The following ERBB4 variants were observed in gnomAD, a reference collection of about 807,000 sequenced individuals.
ERBB4 encodes the protein erb-b2 receptor tyrosine kinase 4, also known as receptor tyrosine-protein kinase erbB-4.
Under a neutral mutation model 158.0 loss-of-function variants are expected in ERBB4, and 42 were observed. That is an observed-to-expected ratio of 0.27 (90% CI 0.21 to 0.34). The LOEUF (loss-of-function observed/expected upper bound fraction) is 0.34, where lower values mean the gene tolerates loss of function less well. ERBB4 is among the 10% of genes least tolerant of loss of function. ERBB4 has a pLI of 1.00. For synonymous variants in ERBB4, 583 were observed against 558.7 expected, an observed-to-expected ratio of 1.04 and a Z score of -0.61; for missense variants, 1,333 against 1,624.1, an observed-to-expected ratio of 0.82 and a Z score of 3.08.
At chr2:211,826,544 C>A (rs1247087496) in intron 3 of ERBB4, among the ~76,000 whole-genome samples, 2 of 151,830 alleles carry the variant, frequency 1.3e-5, no homozygotes, top group Non-Finnish European at 2.9e-5. Flanking sequence ...AAAATAACAT[C>A]TCACAAGGGA....
intron 20 of ERBB4, among the ~76,000 whole-genome samples, chr2:211,510,781 T>C (rs1337818645): frequency 6.6e-6 from 1 of 152,084 alleles, no homozygotes; most frequent in Non-Finnish European, 1.5e-5. Context: ...CCATTTTTTT[T>C]CTCAGAAATT....
intron 3 of ERBB4, among the ~76,000 whole-genome samples, chr2:211,911,263 T>C (rs976572832): frequency 2.0e-5 from 3 of 152,138 alleles, no homozygotes; most frequent in Non-Finnish European, 4.4e-5. Flanking sequence ...TTCTGCTACT[T>C]TTCATAACTT....
intron 1 of ERBB4, among the ~76,000 whole-genome samples, chr2:212,270,239 G>T (rs1391347606): frequency 5.9e-5 from 9 of 151,696 alleles, no homozygotes; most frequent in Non-Finnish European, 1.3e-4. Context: ...AATAGATTAT[G>T]ACATTAGAGG....
intron 1 of ERBB4, among the ~76,000 whole-genome samples, chr2:212,364,095 T>C (rs1483915973): frequency 1.3e-5 from 2 of 151,754 alleles, no homozygotes; most frequent in Admixed American, 6.6e-5. Flanking sequence ...ATATTTCATA[T>C]CTCAATTCTG....
At chr2:211,879,224 G>C (rs1034148747) in intron 3 of ERBB4, among the ~76,000 whole-genome samples, 4 of 151,968 alleles carry the variant, frequency 2.6e-5, no homozygotes, top group Admixed American at 1.3e-4. Flanking sequence ...AAACAGGTTA[G>C]TGAAAACCTG....
intron 26 of ERBB4, among the ~76,000 whole-genome samples, chr2:211,387,704 A>T (rs1016871462): frequency 6.6e-6 from 1 of 152,202 alleles, no homozygotes; most frequent in Non-Finnish European, 1.5e-5. Context: ...AGCATAATTT[A>T]TGTGCCCAGG....
chr2:212,129,628 C>T (rs1019054789), intron 1 of ERBB4, among the ~76,000 whole-genome samples: 4 of 151,642 alleles, frequency 2.6e-5, no homozygotes, highest in Non-Finnish European at 4.4e-5. Flanking sequence ...GAAAATGGCC[C>T]TCAACTAAAA....
chr2:211,580,846 A>T (rs1378961719), intron 19 of ERBB4, among the ~76,000 whole-genome samples: 43 of 38,122 alleles, frequency 1.1e-3, no homozygotes, highest in Admixed American at 1.6e-3. Flanking sequence ...ATTATATATT[A>T]TATATATAGT....
At chr2:212,234,013 C>G (rs1257236705) in intron 1 of ERBB4, among the ~76,000 whole-genome samples, 1 of 149,036 alleles carries the variant, frequency 6.7e-6, no homozygotes, top group East Asian at 2.0e-4. Flanking sequence ...TGCTTTAAGT[C>G]TTGGGATACA....
At chr2:212,247,096 C>T in intron 1 of ERBB4, among the ~76,000 whole-genome samples, 1 of 151,794 alleles carries the variant, frequency 6.6e-6, no homozygotes, top group East Asian at 1.9e-4. Context: ...AATTATTTAC[C>T]AAGAGAAGGC....
At chr2:212,162,626 T>C (rs1193923958) in intron 1 of ERBB4, among the ~76,000 whole-genome samples, 1 of 151,974 alleles carries the variant, frequency 6.6e-6, no homozygotes, top group Non-Finnish European at 1.5e-5. Flanking sequence ...TGCAAGCTAA[T>C]GTATTTCTAC....
At chr2:211,491,014 C>T (rs996447150) in intron 20 of ERBB4, among the ~76,000 whole-genome samples, 1 of 151,976 alleles carries the variant, frequency 6.6e-6, no homozygotes, top group Admixed American at 6.6e-5. Context: ...AGAGACCCTG[C>T]TAGGATCCTA....
intron 19 of ERBB4, among the ~76,000 whole-genome samples, chr2:211,593,876 G>A (rs73077001): frequency 0.069 from 10,484 of 152,096 alleles, 1,124 homozygotes; most frequent in African/African-American, 0.23. Context: ...CCTTCCCAGA[G>A]GGACCCTAAT....
At chr2:211,488,131 A>G (rs1159897805) in intron 20 of ERBB4, among the ~76,000 whole-genome samples, 1 of 152,024 alleles carries the variant, frequency 6.6e-6, no homozygotes, top group Non-Finnish European at 1.5e-5. Flanking sequence ...AGTTCAAAGG[A>G]ATGAGCTATG....
intron 1 of ERBB4, among the ~76,000 whole-genome samples, chr2:212,514,789 C>A (rs1691731331): frequency 6.6e-6 from 1 of 152,058 alleles, no homozygotes; most frequent in African/African-American, 2.4e-5. Context: ...TGGTGACAGA[C>A]CAAGACTCCA....
chr2:211,727,171 G>C (rs1382249060), intron 5 of ERBB4, among the ~76,000 whole-genome samples: 1 of 152,062 alleles, frequency 6.6e-6, no homozygotes, highest in Non-Finnish European at 1.5e-5. Flanking sequence ...CACGTTATAT[G>C]GGCAAGTTAT....
intron 2 of ERBB4, among the ~76,000 whole-genome samples, chr2:212,114,104 G>T (rs1164177664): frequency 2.6e-5 from 4 of 152,290 alleles, no homozygotes; most frequent in African/African-American, 4.8e-5. Flanking sequence ...CATGGGCTTT[G>T]TCTGGTACTT....
At chr2:211,652,658 A>C (rs1366191121) in intron 16 of ERBB4, among the ~76,000 whole-genome samples, 2 of 152,246 alleles carry the variant, frequency 1.3e-5, no homozygotes, top group Non-Finnish European at 2.9e-5. Flanking sequence ...ACAGGCATTA[A>C]AATGTGACAA....
intron 1 of ERBB4, among the ~76,000 whole-genome samples, chr2:212,531,135 G>T (rs1347783164): frequency 6.6e-6 from 1 of 152,144 alleles, no homozygotes; most frequent in Non-Finnish European, 1.5e-5. Flanking sequence ...TGGTGTTTAT[G>T]TTAATCTTTT....
Sources: allele counts gnomAD v4.1 joint callset (sites outside exome capture counted in the v4.1 genomes callset), GRCh38; gene constraint gnomAD v4.1.1; transcripts MANE v1.5; gene names NCBI Gene and HGNC (gene_info 2026-07-23, HGNC 2026-07-21).